The following ATRX variants were observed in gnomAD, a reference collection of about 807,000 sequenced individuals.
ATRX encodes ATRX chromatin remodeler, also known as chromatin remodeler ATRX.
In ATRX, 12 loss-of-function variants were observed where a neutral mutation model predicts 172.6. The ratio of observed to expected loss-of-function variants is 0.07; its 90% CI spans 0.04 to 0.11. The LOEUF is 0.11. Among genes scored for constraint, ATRX ranks in the 10% least tolerant of loss-of-function variants. The pLI, the probability that ATRX is intolerant of heterozygous loss-of-function variation, is 1.00. For missense variants in ATRX, 1,368 were observed against 1,767.4 expected, an observed-to-expected ratio of 0.77 and a Z score of 4.05; for synonymous variants, 674 against 594.7, an observed-to-expected ratio of 1.13 and a Z score of -1.94.
rs2063244536 is a variant in ATRX, at chrX:77,521,936, T to C, written c.6975+327A>G. The C allele has an allele frequency of 2.0e-5, 5 of 246,618 alleles. No individual in the cohort carries two copies. In the Admixed American group the frequency reaches 3.1e-4, roughly 15 times the overall value. The allele number at this position is 246,618 out of a possible 1,213,427, so 20.3% of individuals were successfully genotyped here. A position where few individuals can be genotyped will look rare whatever the true frequency, so the allele number is the denominator to read the frequency against. Reference sequence around the variant, plus strand: ...GTTAATGAGTATATTTATCTTACTTTCAAACAGTAAGATAGCAATTTATTA... The same window carrying C: ...GTTAATGAGTATATTTATCTTACTTCCAAACAGTAAGATAGCAATTTATTA... On this transcript the variant is annotated intron_variant, in intron 32 of 34. Coordinates refer to ENST00000373344, the MANE Select transcript of ATRX (RefSeq NM_000489.6).
At chrX:77,635,832 G>A (rs2148356433) in intron 16 of ATRX, 83 bp downstream of exon 16, 1 of 921,728 alleles carries the variant, frequency 1.1e-6, no homozygotes, top group Non-Finnish European at 1.5e-6. Context: ...CCAGGACTTA[G>A]CAGGATGTGA....
chrX:77,635,881 C>A, intron 16 of ATRX, 34 bp downstream of exon 16: 12 of 1,163,594 alleles, frequency 1.0e-5, no homozygotes, highest in Non-Finnish European at 9.3e-6. Context: ...AAAAATTTAA[C>A]TAAAAATTAT....
At chrX:77,763,119 T>TTA (rs1345435196) in intron 1 of ATRX, among the ~76,000 whole-genome samples, 86 of 107,644 alleles carry the variant, frequency 8.0e-4, no homozygotes, top group Middle Eastern at 9.4e-3. Flanking sequence ...TTTCGTTATT[T>TTA]TATATATATA....
intron 9 of ATRX, among the ~76,000 whole-genome samples, chrX:77,680,606 T>C (rs1557136235): frequency 1.8e-5 from 2 of 111,296 alleles, no homozygotes; most frequent in African/African-American, 3.3e-5. Context: ...TTGGGATAAA[T>C]TGAAAACTGT....
Position 77,786,008 on chromosome X carries a change from G to C in ATRX, c.-7C>G, listed in dbSNP as rs1557207653. 1 of 1,193,359 alleles carries C rather than the reference G, an allele frequency of 8.4e-7. No homozygotes were observed. Among genetic ancestry groups the C allele is most frequent in the South Asian group, 1.8e-5 (1 of 54,400 alleles). On this transcript the variant is annotated 5_prime_UTR_variant, in exon 1 of 35. Coordinates refer to ENST00000373344, the MANE Select transcript of ATRX (RefSeq NM_000489.6). Reference sequence around the variant, plus strand: ...TCATGGGCTCAGCGGTCATGTTTTCGCTTGAACGCCTTGTCGGCTTCTGTG... The same window carrying C: ...TCATGGGCTCAGCGGTCATGTTTTCCCTTGAACGCCTTGTCGGCTTCTGTG...
intron 1 of ATRX, among the ~76,000 whole-genome samples, chrX:77,774,452 CG>C (rs2076277582): frequency 9.0e-6 from 1 of 111,001 alleles, no homozygotes; most frequent in African/African-American, 3.3e-5. Context: ...CCGAGGCAGG[CG>C]GATCATGAGG....
intron 26 of ATRX, among the ~76,000 whole-genome samples, chrX:77,590,344 C>T (rs2066189913): frequency 9.0e-6 from 1 of 110,995 alleles, no homozygotes; most frequent in Non-Finnish European, 1.9e-5. Context: ...GGCGCAGTGG[C>T]TCACGCCTGT....
At chrX:77,653,004 TAAAAAAAAAA>T (rs554448289) in intron 14 of ATRX, among the ~76,000 whole-genome samples, 4 of 69,013 alleles carry the variant, frequency 5.8e-5, no homozygotes, top group African/African-American at 2.2e-4. Context: ...TGTTTCTTGT[TAAAAAAAAAA>T]AAAAAAAGAA....
At chrX:77,755,136 T>TA (rs2075442106) in intron 1 of ATRX, among the ~76,000 whole-genome samples, 1 of 112,893 alleles carries the variant, frequency 8.9e-6, no homozygotes, top group Non-Finnish European at 1.9e-5. Flanking sequence ...TGACTATTGA[T>TA]ACATGTGTAT....
intron 19 of ATRX, among the ~76,000 whole-genome samples, chrX:77,628,124 A>G (rs1240723550): frequency 2.7e-5 from 3 of 112,491 alleles, no homozygotes; most frequent in African/African-American, 9.7e-5. Context: ...AGCCTGACTA[A>G]AAGAGTCTGT....
At chrX:77,738,335 CAA>C (rs782036880) in intron 1 of ATRX, among the ~76,000 whole-genome samples, 3 of 71,172 alleles carry the variant, frequency 4.2e-5, no homozygotes, top group Non-Finnish European at 2.7e-5. Flanking sequence ...ACCCTGTCTC[CAA>C]AAAAAAAAAA....
chrX:77,547,686 C>A (rs2064298939), intron 30 of ATRX, among the ~76,000 whole-genome samples: 1 of 111,528 alleles, frequency 9.0e-6, no homozygotes, highest in Non-Finnish European at 1.9e-5. Flanking sequence ...TGTTCTTTGT[C>A]AACTGCATGC....
rs782230248 is a variant in ATRX at position 77,653,702 on chromosome X, A to G, written c.4317+396T>C. 8.0e-5 allele frequency among the ~76,000 whole-genome samples: 9 copies of G among 111,905 alleles called. No homozygotes were observed. The South Asian group carries it at 3.3e-3, about 41-fold the overall frequency. The stretch of plus-strand genomic sequence containing the variant: ...GAGCATTGTGTTGACAGAATCAAAC[A>G]TATTACAGACACCTTTTACTTTATG... On this transcript the variant is annotated intron_variant, in intron 14 of 34. Coordinates refer to ENST00000373344, the MANE Select transcript of ATRX (RefSeq NM_000489.6).
intron 30 of ATRX, among the ~76,000 whole-genome samples, chrX:77,550,382 T>C (rs1557055360): frequency 1.8e-5 from 2 of 111,890 alleles, no homozygotes; most frequent in Admixed American, 9.5e-5. Flanking sequence ...ATTATCTCAA[T>C]AGATGCAGAA....
Position 77,623,495 on chromosome X carries a change from C to A in ATRX, c.5135-2963G>T, listed in dbSNP as rs1024569696. On this transcript the variant is annotated intron_variant, in intron 19 of 34. Transcript: ENST00000373344. ...CTACCAGACATTCAAAGCATTGGTA[C>A]CAATCCTTTTGACACTATCCCACAA... Among the ~76,000 whole-genome samples, 3 of 111,582 alleles carry A rather than the reference C, an allele frequency of 2.7e-5. No individual in the cohort carries two copies. In the Admixed American group the frequency reaches 2.9e-4, roughly 11 times the overall value.
chrX:77,771,446 C>G (rs2076150610), intron 1 of ATRX, among the ~76,000 whole-genome samples: 2 of 109,333 alleles, frequency 1.8e-5, no homozygotes, highest in Admixed American at 2.0e-4. Context: ...CTCCCATATT[C>G]TCTCCAATCA....
chrX:77,622,968 A>G (rs1346715825), intron 19 of ATRX, among the ~76,000 whole-genome samples: 2 of 110,867 alleles, frequency 1.8e-5, no homozygotes, highest in Non-Finnish European at 3.8e-5. Context: ...AAAGAGCACA[A>G]ACAGACAATC....
chrX:77,518,865 AT>A (rs782584123), intron 34 of ATRX, among the ~76,000 whole-genome samples: 1 of 111,650 alleles, frequency 9.0e-6, no homozygotes, highest in East Asian at 2.8e-4. Context: ...CAGTAAACTC[AT>A]TTTTTGCACA....
chrX:77,745,859 T>C (rs782711737), intron 1 of ATRX, among the ~76,000 whole-genome samples: 2 of 111,947 alleles, frequency 1.8e-5, no homozygotes, highest in African/African-American at 6.5e-5. Flanking sequence ...TTGAACATTG[T>C]ATGTCTGTAT....
Sources: gnomAD v4.1 joint callset for allele counts (sites outside exome capture counted in the v4.1 genomes callset) on GRCh38, gnomAD v4.1.1 for gene constraint, MANE v1.5 for transcripts, NCBI Gene and HGNC (gene_info 2026-07-23, HGNC 2026-07-21) for gene names.